Variants in DHRSX observed in about 807,000 individuals in gnomAD.
The protein encoded by DHRSX is dehydrogenase/reductase X-linked, also known as polyprenol dehydrogenase.
In DHRSX, 31 loss-of-function variants were observed where a neutral mutation model predicts 34.0. That is an observed-to-expected ratio of 0.91 (90% confidence interval 0.69 to 1.23). The LOEUF (loss-of-function observed/expected upper bound fraction) is 1.23. Among genes scored for constraint, DHRSX ranks in the 50% most tolerant of loss-of-function variants. The probability of loss-of-function intolerance (pLI) is 0.00; values close to 1 mark genes in which losing one functional copy is unlikely to be tolerated. For synonymous variants in DHRSX, 201 were observed against 183.8 expected (o/e 1.09, Z -0.76); for missense variants, 414 against 428.1 (o/e 0.97, Z 0.29).
intron 3 of DHRSX, among the ~76,000 whole-genome samples, chrX:2,346,307 C>G (rs186864144): frequency 2.6e-4 from 40 of 152,192 alleles, no homozygotes; most frequent in Admixed American, 1.4e-3. Context: ...GGAATGACAT[C>G]CATAAAAATG....
At chrX:2,417,650 G>A (rs886404866) in intron 2 of DHRSX, among the ~76,000 whole-genome samples, 1 of 149,612 alleles carries the variant, frequency 6.7e-6, no homozygotes, top group Non-Finnish European at 1.5e-5. Context: ...AGAACTCATT[G>A]AGTCTTAACC....
intron 1 of DHRSX, among the ~76,000 whole-genome samples, chrX:2,451,286 C>G (rs1033949301): frequency 1.3e-5 from 2 of 149,918 alleles, no homozygotes; most frequent in African/African-American, 4.9e-5. Context: ...CAAAGGCAGC[C>G]AGGGATGCAA....
chrX:2,290,741 G>T (rs1240875234), intron 4 of DHRSX, among the ~76,000 whole-genome samples: 1 of 152,182 alleles, frequency 6.6e-6, no homozygotes, highest in Non-Finnish European at 1.5e-5. Context: ...ATGTTTGTTG[G>T]TGTATTTCTG....
intron 3 of DHRSX, among the ~76,000 whole-genome samples, chrX:2,299,014 A>T (rs112938345): frequency 0.47 from 61,190 of 131,184 alleles, 14,900 homozygotes; most frequent in Middle Eastern, 0.57. Context: ...AAAAAAAAAA[A>T]TGGGAAAAAT....
intron 3 of DHRSX, among the ~76,000 whole-genome samples, chrX:2,367,161 C>T (rs942479601): frequency 1.8e-4 from 27 of 152,014 alleles, no homozygotes; most frequent in Non-Finnish European, 3.7e-4. Context: ...AGATGCTAGC[C>T]GGGCGCAGTG....
intron 3 of DHRSX, among the ~76,000 whole-genome samples, chrX:2,343,838 G>A (rs2042669562): frequency 6.6e-6 from 1 of 152,102 alleles, no homozygotes; most frequent in South Asian, 2.1e-4. Flanking sequence ...TGCATATATT[G>A]GTGAAGTGTA....
At chrX:2,429,790 A>T (rs1028070699) in intron 1 of DHRSX, among the ~76,000 whole-genome samples, 1 of 152,110 alleles carries the variant, frequency 6.6e-6, no homozygotes, top group African/African-American at 2.4e-5. Context: ...GGTCAGACAA[A>T]TAATTACAAC....
At chrX:2,246,748 G>GAA (rs1556432542) in intron 5 of DHRSX, among the ~76,000 whole-genome samples, 16,868 of 102,908 alleles carry the variant, frequency 0.16, 1,431 homozygotes, top group Non-Finnish European at 0.26. Flanking sequence ...AAGAAAGAAA[G>GAA]AAAAAGAAAG....
chrX:2,487,756 G>C (rs1287373498), intron 1 of DHRSX: 1 of 151,804 alleles, frequency 6.6e-6, no homozygotes, highest in Non-Finnish European at 1.5e-5. Flanking sequence ...TTTTTGTTAA[G>C]TGTCTGCATT....
At position 2,335,450 on chromosome X, in the gene DHRSX, G is replaced by GGTGT. The variant is rs111917194; in HGVS notation, c.287-43851_287-43848dup. 1.4e-3 allele frequency among the ~76,000 whole-genome samples: 210 copies of GGTGT among 149,496 alleles called. 1 individual carries two copies. Among genetic ancestry groups the GGTGT allele is most frequent in the African/African-American group, 4.6e-3 (188 of 40,534 alleles). ...ATGGTTGCATTCATTATTTTTTTGG[G>GGTGT]GTGTGTGTGTGTGTGTGTTTAGACA... On this transcript the variant is annotated intron_variant, in intron 3 of 6. Coordinates refer to ENST00000334651, the MANE Select transcript of DHRSX (RefSeq NM_145177.3).
In DHRSX at chrX:2,220,015, C is replaced by T. The variant is rs2015488394; in HGVS notation, c.*1026G>A. ...CTGTGGTTGCTGTAACAAGTGACTA[C>T]CAATTTGTTGGAGCCTTAAAACAAG... is the stretch of plus-strand genomic sequence containing the variant. On this transcript the variant is annotated 3_prime_UTR_variant, in exon 7 of 7. Coordinates refer to ENST00000334651, the MANE Select transcript of DHRSX (RefSeq NM_145177.3). 1.3e-5 allele frequency: 2 copies of T among 152,264 alleles called. No homozygotes were observed. Among genetic ancestry groups the T allele is most frequent in the South Asian group, 4.1e-4 (2 of 4,828 alleles). 9.4% of individuals were successfully genotyped at this position (152,264 alleles called of 1,614,324 possible).
chrX:2,500,883 C>G lies in DHRSX; in HGVS notation c.43G>C (p.Ala15Pro), dbSNP rs2045411034. 2 of 1,151,226 alleles carry G rather than the reference C, an allele frequency of 1.7e-6. No individual in the cohort carries two copies. The highest frequency in any genetic ancestry group is 2.1e-6 in the Non-Finnish European group (2 of 930,964). The allele number at this position is 1,151,226 out of a possible 1,614,324, so 71.3% of individuals were successfully genotyped here. A position where few individuals can be genotyped will look rare whatever the true frequency, so the allele number is the denominator to read the frequency against. Reference protein sequence around the residue: ...SAARAALRVYAVGAAVILAQL... With the variant: ...SAARAALRVYPVGAAVILAQL... ...GCCAGGATCACCGCGGCGCCTACCG[C>G]GTAGACCCGCAGGGCCGCCCGCGCC... The change falls in exon 1 of 7, where the codon GCG becomes CCG. Residue 15 changes from alanine (A) to proline (P), a missense_variant. Physicochemically the swap from Ala to Pro is conservative, Grantham distance 27. Coordinates refer to ENST00000334651, the MANE Select transcript of DHRSX (RefSeq NM_145177.3).
chrX:2,403,239 T>C (rs1204539020), intron 3 of DHRSX, among the ~76,000 whole-genome samples: 1 of 152,160 alleles, frequency 6.6e-6, no homozygotes, highest in African/African-American at 2.4e-5. Flanking sequence ...CACCCTTTTG[T>C]GCTATCAAAT....
chrX:2,277,478 C>T (rs1390998191), intron 4 of DHRSX, among the ~76,000 whole-genome samples: 4 of 37,474 alleles, frequency 1.1e-4, no homozygotes, highest in African/African-American at 2.9e-4. Flanking sequence ...GGAGGGCAAA[C>T]GAGAGAGGGA....
chrX:2,498,274 A>T (rs2045329199), intron 1 of DHRSX, among the ~76,000 whole-genome samples: 1 of 152,190 alleles, frequency 6.6e-6, no homozygotes, highest in African/African-American at 2.4e-5. Flanking sequence ...TGCAGTGGGG[A>T]AATTGGCCCT....
intron 3 of DHRSX, among the ~76,000 whole-genome samples, chrX:2,294,307 G>A (rs1385249643): frequency 6.6e-6 from 1 of 152,108 alleles, no homozygotes; most frequent in African/African-American, 2.4e-5. Context: ...ACTTTAGGAG[G>A]CGAAGGCAGG....
chrX:2,433,243 A>C (rs1359904539), intron 1 of DHRSX, among the ~76,000 whole-genome samples: 7 of 152,186 alleles, frequency 4.6e-5, no homozygotes, highest in African/African-American at 1.7e-4. Flanking sequence ...GATATCTAAA[A>C]AGTTCAACTC....
intron 3 of DHRSX, among the ~76,000 whole-genome samples, chrX:2,377,103 C>T (rs2043149669): frequency 6.6e-6 from 1 of 152,038 alleles, no homozygotes; most frequent in Non-Finnish European, 1.5e-5. Flanking sequence ...CCCAGCCTTT[C>T]TGGCACAGAG....
chrX:2,391,802 C>T, intron 3 of DHRSX, among the ~76,000 whole-genome samples: 1 of 152,194 alleles, frequency 6.6e-6, no homozygotes, highest in East Asian at 1.9e-4. Context: ...TGGGACACAC[C>T]TGTAATCCCA....
Sources: allele counts gnomAD v4.1 joint callset (sites outside exome capture counted in the v4.1 genomes callset), GRCh38; gene constraint gnomAD v4.1.1; transcripts MANE v1.5; gene names NCBI Gene and HGNC (gene_info 2026-07-23, HGNC 2026-07-21).